HNRNPA3: variants seen among roughly 807,000 people sequenced by gnomAD.
HNRNPA3 encodes epididymis secretory sperm binding protein.
In HNRNPA3, 3 loss-of-function variants were observed where a neutral mutation model predicts 45.8. That is an observed-to-expected ratio of 0.07 (90% CI 0.03 to 0.17). HNRNPA3 has a LOEUF of 0.17. Among genes scored for constraint, HNRNPA3 ranks in the 10% least tolerant of loss-of-function variants. HNRNPA3 has a pLI of 1.00. For synonymous variants in HNRNPA3, 170 were observed against 155.6 expected (o/e 1.09, Z -0.69); for missense variants, 183 against 480.3 (o/e 0.38, Z 5.79).
chr2:177,219,056 G>T, exon 9 of HNRNPA3: 2 of 1,613,774 alleles, frequency 1.2e-6, no homozygotes, highest in South Asian at 2.2e-5. Context: ...GTGGTGGTGG[G>T]AACTATAATG....
chr2:177,212,975 C>G (rs1688746230), intron 1 of HNRNPA3, 104 bp downstream of exon 1: 1 of 729,702 alleles, frequency 1.4e-6, no homozygotes, highest in African/African-American at 1.9e-5. Context: ...GTCCCGCGCT[C>G]TTGCGTTGAG....
At chr2:177,218,994 T>A in intron 8 of HNRNPA3, 43 bp from the exon 9 acceptor site, 1 of 1,604,048 alleles carries the variant, frequency 6.2e-7, no homozygotes, top group Non-Finnish European at 8.5e-7. Flanking sequence ...GGGAAAATGA[T>A]GATTGTGTAG....
chr2:177,216,065 G>A (rs768029041), exon 4 of HNRNPA3: 2 of 1,560,450 alleles, frequency 1.3e-6, no homozygotes, highest in Non-Finnish European at 1.7e-6. Context: ...TAATTTGAGA[G>A]ACTACTTTGA....
exon 2 of HNRNPA3, chr2:177,215,574 A>G (rs1688898811): frequency 6.8e-6 from 11 of 1,613,780 alleles, no homozygotes; most frequent in Admixed American, 1.7e-5. Context: ...AGTTGAGAAA[A>G]CTGTTTATTG....
At chr2:177,212,842 G>A in exon 1 of HNRNPA3, 3 of 1,551,766 alleles carry the variant, frequency 1.9e-6, no homozygotes, top group Non-Finnish European at 1.7e-6. Context: ...GCCCGACTCC[G>A]GCCGTCGCCG....
At chr2:177,213,112 G>C (rs1242065534) in intron 1 of HNRNPA3, among the ~76,000 whole-genome samples, 3 of 152,122 alleles carry the variant, frequency 2.0e-5, no homozygotes, top group Non-Finnish European at 4.4e-5. Flanking sequence ...GAGGCCTCGG[G>C]AGGGAAGCCG....
intron 10 of HNRNPA3, 41 bp downstream of exon 10, chr2:177,219,355 T>C (rs1439327921): frequency 1.4e-6 from 2 of 1,406,818 alleles, no homozygotes; most frequent in African/African-American, 1.4e-5. Flanking sequence ...TAAAAGAATA[T>C]GTGGAACTGT....
At chr2:177,214,170 AT>A (rs1477654814) in intron 1 of HNRNPA3, among the ~76,000 whole-genome samples, 1 of 152,228 alleles carries the variant, frequency 6.6e-6, no homozygotes, top group African/African-American at 2.4e-5. Flanking sequence ...GTATAAAACA[AT>A]TTCAAGACAT....
At chr2:177,215,193 C>T (rs1688880415) in intron 1 of HNRNPA3, among the ~76,000 whole-genome samples, 1 of 152,046 alleles carries the variant, frequency 6.6e-6, no homozygotes, top group African/African-American at 2.4e-5. Context: ...ACCTCCGCCT[C>T]CTGGGTTTAA....
In HNRNPA3 at chr2:177,215,523, T is replaced by G; in HGVS notation, c.73-16T>G. On this transcript the variant is annotated splice_polypyrimidine_tract_variant and intron_variant, in intron 1 of 10. Coordinates refer to ENST00000392524, the Ensembl canonical transcript of HNRNPA3. Reference sequence around the variant, plus strand: ...CTACTGTAAGGTAACTTAAGAGTATTGGTTCTTTCTCTCAGGGCCATGATC... The same window carrying G: ...CTACTGTAAGGTAACTTAAGAGTATGGGTTCTTTCTCTCAGGGCCATGATC... 6.2e-7 allele frequency: 1 copy of G among 1,613,622 alleles called. No homozygotes were observed. Among genetic ancestry groups the G allele is most frequent in the Non-Finnish European group, 8.5e-7 (1 of 1,179,546 alleles).
At chr2:177,217,268 C>T (rs2105432196) in intron 7 of HNRNPA3, among the ~76,000 whole-genome samples, 1 of 152,250 alleles carries the variant, frequency 6.6e-6, no homozygotes, top group South Asian at 2.1e-4. Flanking sequence ...CTTACTAGTG[C>T]AGATACTTGA....
rs530820775 is a variant in HNRNPA3, at chr2:177,213,510, C to T, written c.72+639C>T. Reference sequence around the variant, plus strand: ...TCGATAATTGGCCTTTTCTTTTTTTCGCAGCATCCTGTTGGAAATACGAGA... The same window carrying T: ...TCGATAATTGGCCTTTTCTTTTTTTTGCAGCATCCTGTTGGAAATACGAGA... On this transcript the variant is annotated intron_variant, in intron 1 of 10. Transcript: ENST00000392524. 7.0e-4 allele frequency among the ~76,000 whole-genome samples: 107 copies of T among 152,174 alleles called. No individual in the cohort carries two copies. In the South Asian group the frequency reaches 0.012, roughly 17 times the overall value.
exon 11 of HNRNPA3, chr2:177,219,999 CAT>C (rs1689120344): frequency 6.6e-6 from 1 of 152,474 alleles, no homozygotes; most frequent in Non-Finnish European, 1.5e-5. Flanking sequence ...TGGGCGCTGA[CAT>C]GTGGAGAGAA....
intron 1 of HNRNPA3, 25 bp downstream of exon 1, chr2:177,212,896 G>A (rs941748774): frequency 7.2e-7 from 1 of 1,393,516 alleles, no homozygotes; most frequent in African/African-American, 1.5e-5. Context: ...GCGGGGGGTT[G>A]GTGGGGAATG....
intron 3 of HNRNPA3, 26 bp downstream of exon 3, chr2:177,215,922 A>G (rs749471580): frequency 1.9e-6 from 3 of 1,597,654 alleles, no homozygotes; most frequent in Non-Finnish European, 2.6e-6. Flanking sequence ...ATTGTGTAAT[A>G]TGTGAAATTG....
chr2:177,213,985 T>C (rs1311545592), intron 1 of HNRNPA3, among the ~76,000 whole-genome samples: 4 of 152,262 alleles, frequency 2.6e-5, no homozygotes, highest in Admixed American at 6.5e-5. Flanking sequence ...AACGTTTTTT[T>C]CTAGCATGTG....
intron 1 of HNRNPA3, among the ~76,000 whole-genome samples, chr2:177,214,123 G>T (rs141430327): frequency 1.6e-3 from 241 of 152,334 alleles, no homozygotes; most frequent in African/African-American, 5.6e-3. Context: ...TGCATTAAAT[G>T]ACAGTTCATG....
At chr2:177,223,273 CAT>C (rs1491181126), downstream of HNRNPA3, 15 of 151,858 alleles carry the variant, frequency 9.9e-5, no homozygotes, top group South Asian at 1.3e-3. Context: ...GTGAAGCAAA[CAT>C]TTTTTTTTTA....
intron 7 of HNRNPA3, 51 bp downstream of exon 7, chr2:177,216,991 T>C (rs141443801): frequency 1.7e-4 from 245 of 1,403,788 alleles, no homozygotes; most frequent in Middle Eastern, 1.3e-3. Context: ...TCTTTACTTA[T>C]TGAAAATTAT....
Sources: allele counts gnomAD v4.1 joint callset (sites outside exome capture counted in the v4.1 genomes callset), GRCh38; gene constraint gnomAD v4.1.1; transcripts MANE v1.5; gene names NCBI Gene and HGNC (gene_info 2026-07-23, HGNC 2026-07-21).